The following IFT80 variants were observed in gnomAD, a reference collection of about 807,000 sequenced individuals.
The protein encoded by IFT80 is intraflagellar transport protein 80 homolog.
A neutral mutation model predicts 107.9 loss-of-function variants in IFT80; 79 were observed. The observed-to-expected ratio is 0.73, with a 90% confidence interval of 0.61 to 0.88. IFT80 has a LOEUF of 0.88. Ranked by LOEUF, IFT80 falls within the 40% of genes least tolerant of loss-of-function variation. The probability of loss-of-function intolerance (pLI) is 0.00; values close to 1 mark genes in which losing one functional copy is unlikely to be tolerated. For missense variants in IFT80, 797 were observed against 914.2 expected (o/e 0.87, Z 1.65); for synonymous variants, 299 against 300.9 (o/e 0.99, Z 0.07).
Position 160,280,619 on chromosome 3 carries a change from T to TA in IFT80, c.1664+47dup, listed in dbSNP as rs765860493. ...TAGAAGCCAAAACATGATACTCTAT[T>TA]AGAGTTTTATTTACTACAAAACAGA... On this transcript the variant is annotated intron_variant, in intron 15 of 19. Transcript: ENST00000326448. 11 of 1,504,872 alleles carry TA rather than the reference T, an allele frequency of 7.3e-6. No individual in the cohort carries two copies. The South Asian group carries it at 1.1e-4, about 15-fold the overall frequency. 93.2% of individuals were successfully genotyped at this position (1,504,872 alleles called of 1,614,324 possible). A position where few individuals can be genotyped will look rare whatever the true frequency, so the allele number is the denominator to read the frequency against.
chr3:160,303,842 A>T (rs1716621805), intron 11 of IFT80, 73 bp downstream of exon 11: 3 of 911,840 alleles, frequency 3.3e-6, no homozygotes, highest in Non-Finnish European at 5.5e-6. Context: ...TTTTAATTGG[A>T]TGTTTTTATT....
Position 160,295,544 on chromosome 3 carries a change from C to T in IFT80, c.1315+5339G>A, listed in dbSNP as rs148794759. On this transcript the variant is annotated intron_variant, in intron 12 of 19. Coordinates refer to ENST00000326448, the MANE Select transcript of IFT80 (RefSeq NM_020800.3). ...ATCACTTGAGCCCACGATGTTGAGG[C>T]TGCAGTGGAGCACCAGTGCACTCTA... 6.3e-4 allele frequency among the ~76,000 whole-genome samples: 96 copies of T among 152,046 alleles called. 1 individual carries two copies. The East Asian group carries it at 0.017, about 28-fold the overall frequency.
chr3:160,357,125 G>T (rs1721149791), intron 7 of IFT80, among the ~76,000 whole-genome samples: 1 of 151,842 alleles, frequency 6.6e-6, no homozygotes, highest in Admixed American at 6.6e-5. Flanking sequence ...TCTGAGAGAG[G>T]GTCTCACTTT....
chr3:160,354,631 C>T (rs976873159), intron 8 of IFT80, among the ~76,000 whole-genome samples: 38 of 151,520 alleles, frequency 2.5e-4, no homozygotes, highest in African/African-American at 9.0e-4. Context: ...CCAGCCTGGG[C>T]GACAGAGCAA....
chr3:160,340,261 A>T (rs1261214603), intron 8 of IFT80, among the ~76,000 whole-genome samples: 2 of 152,184 alleles, frequency 1.3e-5, no homozygotes, highest in Admixed American at 1.3e-4. Context: ...TACATGACTC[A>T]TTGCTAACAC....
At chr3:160,282,715 T>C (rs1002677700) in intron 13 of IFT80, 102 bp from the exon 14 acceptor site, 1 of 737,362 alleles carries the variant, frequency 1.4e-6, no homozygotes, top group East Asian at 2.7e-5. Context: ...CAATTAAATG[T>C]CATTTCCCCA....
chr3:160,288,414 T>C (rs1715265671), intron 12 of IFT80, among the ~76,000 whole-genome samples: 1 of 152,136 alleles, frequency 6.6e-6, no homozygotes, highest in South Asian at 2.1e-4. Flanking sequence ...AATACCATTC[T>C]GGACATGGGA....
intron 13 of IFT80, among the ~76,000 whole-genome samples, chr3:160,283,460 C>A (rs987026899): frequency 3.3e-5 from 5 of 152,164 alleles, no homozygotes; most frequent in Non-Finnish European, 7.4e-5. Flanking sequence ...AACACACATA[C>A]ACCTTTATCC....
intron 18 of IFT80, among the ~76,000 whole-genome samples, chr3:160,276,090 A>C (rs1407907093): frequency 2.0e-5 from 3 of 152,044 alleles, no homozygotes; most frequent in Non-Finnish European, 2.9e-5. Flanking sequence ...GGCTGGTCTC[A>C]AACTCCTGAC....
At chr3:160,383,935 C>G in intron 2 of IFT80, 1 of 985,370 alleles carries the variant, frequency 1.0e-6, no homozygotes, top group South Asian at 4.7e-5. Flanking sequence ...AGCAAAGAAA[C>G]AGTTTGGTTT....
At chr3:160,332,729 C>T (rs956932782) in intron 8 of IFT80, among the ~76,000 whole-genome samples, 2 of 152,188 alleles carry the variant, frequency 1.3e-5, no homozygotes, top group Non-Finnish European at 2.9e-5. Context: ...TAATAAACGA[C>T]GATCATTGCC....
chr3:160,381,265 T>TATATATATATATATATATATATA (rs1559971346), intron 3 of IFT80, among the ~76,000 whole-genome samples: 187 of 135,212 alleles, frequency 1.4e-3, no homozygotes, highest in Non-Finnish European at 2.3e-3. Context: ...TATATATATA[T>TATATATATATATATATATATATA]TAAAGCCAAA....
intron 5 of IFT80, among the ~76,000 whole-genome samples, chr3:160,367,292 C>T (rs558673701): frequency 6.6e-6 from 1 of 151,970 alleles, no homozygotes; most frequent in Admixed American, 6.6e-5. Flanking sequence ...GGGTATATAC[C>T]CAGCAATGGA....
intron 5 of IFT80, among the ~76,000 whole-genome samples, chr3:160,367,247 A>T (rs1721932486): frequency 6.6e-6 from 1 of 152,094 alleles, no homozygotes; most frequent in East Asian, 1.9e-4. Context: ...ACAAAAGTGT[A>T]GCTATCTCTT....
chr3:160,384,339 G>C (rs2108408809), intron 2 of IFT80: 1 of 1,098,180 alleles, frequency 9.1e-7, no homozygotes, highest in Non-Finnish European at 1.1e-6. Context: ...AGTAGAGTAA[G>C]AAAAACGTCA....
Position 160,277,413 on chromosome 3 carries a change from G to A in IFT80, c.1992C>T (p.His664=). The change falls in exon 18 of 20, where the codon CAC becomes CAT. Residue 664 remains histidine, a synonymous_variant. Coordinates refer to ENST00000326448, the MANE Select transcript of IFT80 (RefSeq NM_020800.3). ...NLPSKESKMA[H]ILLFSGNIQE... ...GTATGTTCCCACTAAACAGTAGTAT[G>A]TGGGCCATTTTTGATTCTTTAGATG... 6.2e-7 allele frequency: 1 copy of A among 1,612,626 alleles called. No homozygotes were observed. Among genetic ancestry groups the A allele is most frequent in the Non-Finnish European group, 8.5e-7 (1 of 1,178,778 alleles).
intron 19 of IFT80, among the ~76,000 whole-genome samples, chr3:160,263,289 A>G (rs1438941607): frequency 6.6e-6 from 1 of 151,896 alleles, no homozygotes; most frequent in East Asian, 1.9e-4. Context: ...TACCCTTTCC[A>G]TTTCCTAATG....
At chr3:160,322,920 T>C (rs1487584449) in intron 8 of IFT80, among the ~76,000 whole-genome samples, 1 of 151,858 alleles carries the variant, frequency 6.6e-6, no homozygotes, top group Non-Finnish European at 1.5e-5. Flanking sequence ...GAGTTCATTG[T>C]AGATTCTGGA....
chr3:160,275,385 T>C (rs887892023), intron 18 of IFT80, among the ~76,000 whole-genome samples: 1 of 152,158 alleles, frequency 6.6e-6, no homozygotes, highest in African/African-American at 2.4e-5. Context: ...GCTGGTACCA[T>C]TGTTTATATT....
Sources: allele counts gnomAD v4.1 joint callset (sites outside exome capture counted in the v4.1 genomes callset), GRCh38; gene constraint gnomAD v4.1.1; transcripts MANE v1.5; gene names NCBI Gene and HGNC (gene_info 2026-07-23, HGNC 2026-07-21).